The following IQANK1 variants were observed in gnomAD, a reference collection of about 807,000 sequenced individuals.
The protein encoded by IQANK1 is IQ motif and ankyrin repeat domain-containing protein 1.
A neutral mutation model predicts 22.6 loss-of-function variants in IQANK1; 30 were observed. That is an observed-to-expected ratio of 1.33 (90% CI 0.99 to 1.80). The LOEUF is 1.80. IQANK1 is among the 40% of genes most tolerant of loss of function. The pLI, the probability that IQANK1 is intolerant of heterozygous loss-of-function variation, is 0.00. For missense variants in IQANK1, 275 were observed against 235.2 expected (o/e 1.17, Z -1.11); for synonymous variants, 122 against 99.6 (o/e 1.23, Z -1.34).
At chr8:143,784,364 A>G (rs149348025) in intron 7 of IQANK1, among the ~76,000 whole-genome samples, 117 of 152,228 alleles carry the variant, frequency 7.7e-4, no homozygotes, top group African/African-American at 2.8e-3. Flanking sequence ...TTCTCTAGCC[A>G]TGTAAAATGT....
chr8:143,772,224 G>A lies in IQANK1; in HGVS notation c.644G>A (p.Gly215Asp). ...GCCATCCAGCTGCGGGCCGAGCTCG[G>A]CGCCAGCCCCAACAGCAAGGTGGGC... ...PLAIQLRAELGASPNSKGAFG... is the reference protein window; with the variant it reads ...PLAIQLRAELDASPNSKGAFG... Residue 215 changes from glycine to aspartate, a missense_variant, in exon 6 of 14, where the codon GGC becomes GAC. Coordinates refer to ENST00000527139, the MANE Select transcript of IQANK1 (RefSeq NM_001381874.1). 2.5e-6 allele frequency: 1 copy of A among 395,446 alleles called. No individual in the cohort carries two copies. Among genetic ancestry groups the A allele is most frequent in the East Asian group, 3.6e-5 (1 of 27,794 alleles). 24.5% of individuals were successfully genotyped at this position (395,446 alleles called of 1,614,324 possible). A position where few individuals can be genotyped will look rare whatever the true frequency, so the allele number is the denominator to read the frequency against.
chr8:143,782,043 G>A (rs1342775860), intron 7 of IQANK1, among the ~76,000 whole-genome samples: 2 of 152,142 alleles, frequency 1.3e-5, no homozygotes, highest in African/African-American at 4.8e-5. Flanking sequence ...CTGGTTAGCT[G>A]TATTCCTAGG....
chr8:143,780,997 T>TA (rs1819786608), intron 7 of IQANK1, among the ~76,000 whole-genome samples: 1 of 152,222 alleles, frequency 6.6e-6, no homozygotes. Context: ...TGTTATTTTT[T>TA]GACTTTTTAT....
chr8:143,782,333 C>T (rs1317312659), intron 7 of IQANK1, among the ~76,000 whole-genome samples: 1 of 152,154 alleles, frequency 6.6e-6, no homozygotes, highest in East Asian at 1.9e-4. Flanking sequence ...CTGGCTAGGA[C>T]TTCCAATACT....
intron 3 of IQANK1, among the ~76,000 whole-genome samples, chr8:143,767,129 C>T (rs1554629290): frequency 6.6e-6 from 1 of 152,262 alleles, no homozygotes; most frequent in Admixed American, 6.5e-5. Flanking sequence ...CCATTCTTGG[C>T]TCTTTCGCAG....
chr8:143,759,039 G>A (rs562965389), intron 3 of IQANK1: 17 of 225,104 alleles, frequency 7.6e-5, no homozygotes, highest in African/African-American at 2.1e-4. Context: ...GGTCCCAATC[G>A]GTGGGATGAG....
intron 2 of IQANK1, chr8:143,739,458 GAC>G (rs1818834770): frequency 5.7e-6 from 1 of 176,932 alleles, no homozygotes; most frequent in South Asian, 1.7e-4. Context: ...TGCCGAATTG[GAC>G]ACACAGAGAC....
At chr8:143,740,039 G>A (rs1818861243) in intron 3 of IQANK1, 91 bp downstream of exon 3, 2 of 604,532 alleles carry the variant, frequency 3.3e-6, no homozygotes, top group South Asian at 1.9e-5. Flanking sequence ...CAGTGTGGGC[G>A]CGCGCTTGCG....
At chr8:143,766,687 A>G (rs1382456767) in intron 3 of IQANK1, among the ~76,000 whole-genome samples, 1 of 152,136 alleles carries the variant, frequency 6.6e-6, no homozygotes, top group African/African-American at 2.4e-5. Flanking sequence ...AAAAGAAAAA[A>G]AAAAGAACGT....
intron 7 of IQANK1, among the ~76,000 whole-genome samples, chr8:143,776,259 T>C (rs61180670): frequency 0.031 from 4,359 of 140,646 alleles, 201 homozygotes; most frequent in African/African-American, 0.1. Context: ...AGGCAGAGCT[T>C]GCAGTGAGCT....
Position 143,790,286 on chromosome 8 carries a change from G to A in IQANK1, c.1424+15G>A. The A allele has an allele frequency of 8.1e-7, 1 of 1,232,138 alleles. No homozygotes were observed. Among genetic ancestry groups the A allele is most frequent in the Non-Finnish European group, 1.0e-6 (1 of 988,054 alleles). 76.3% of individuals were successfully genotyped at this position (1,232,138 alleles called of 1,614,324 possible). A position where few individuals can be genotyped will look rare whatever the true frequency, so the allele number is the denominator to read the frequency against. On this transcript the variant is annotated intron_variant, in intron 13 of 13. Coordinates refer to ENST00000527139, the MANE Select transcript of IQANK1 (RefSeq NM_001381874.1). ...GGGGCTCTGCGGTGAGGCAGGCAGGGTGACAGGTACACCCCACCCCACCTC... is the reference window on the plus strand; with the variant it reads ...GGGGCTCTGCGGTGAGGCAGGCAGGATGACAGGTACACCCCACCCCACCTC...
chr8:143,771,861 G>C lies in IQANK1; in HGVS notation c.367G>C (p.Glu123Gln), dbSNP rs1397517031. The change falls in exon 5 of 14, where the codon GAG becomes CAG. Residue 123 changes from glutamate (E) to glutamine (Q), a missense_variant. Coordinates refer to ENST00000527139, the MANE Select transcript of IQANK1 (RefSeq NM_001381874.1). This position sits in a 1 kb window ranked among gnomAD's most constrained non-coding sequence, Gnocchi z 6.0. ...CGCGCGGCGGCTGCGCGAGCAGGAG[G>C]AGGCGGCGCAGCGGGAGCGGCGGGA... ...EAARRLREQE[E>Q]AAQRERREEL... 2.5e-6 allele frequency: 1 copy of C among 394,982 alleles called. No individual in the cohort carries two copies. Among genetic ancestry groups the C allele is most frequent in the African/African-American group, 2.1e-5 (1 of 48,352 alleles). 24.5% of individuals were successfully genotyped at this position (394,982 alleles called of 1,614,324 possible).
At chr8:143,749,209 A>C (rs1486106825) in intron 3 of IQANK1, among the ~76,000 whole-genome samples, 41 of 122,144 alleles carry the variant, frequency 3.4e-4, no homozygotes, top group African/African-American at 1.4e-3. Context: ...TAAATATATC[A>C]TATATATCAT....
At position 143,771,090 on chromosome 8, in the gene IQANK1, GC is replaced by G. The variant is rs1332058376; in HGVS notation, c.176-391del. Among the ~76,000 whole-genome samples, 29 of 152,232 alleles carry G rather than the reference GC, an allele frequency of 1.9e-4. No individual in the cohort carries two copies. The highest frequency in any genetic ancestry group is 6.0e-4 in the African/African-American group (25 of 41,558). On this transcript the variant is annotated intron_variant, in intron 3 of 13. Transcript: ENST00000527139. This position sits in a 1 kb window ranked among gnomAD's most constrained non-coding sequence, Gnocchi z 6.0. ...TGTGATGAGCCCTCCCAGGCCTGGG[GC>G]CCCCCCGCTCAGTCCAGCCTTCGCT...
chr8:143,739,440 CAG>C (rs764678801), intron 2 of IQANK1: 12 of 165,408 alleles, frequency 7.3e-5, no homozygotes, highest in Non-Finnish European at 1.3e-4. Context: ...AGCCACCTGC[CAG>C]GGGAGTGCCG....
At chr8:143,748,325 CT>C (rs1216545344) in intron 3 of IQANK1, among the ~76,000 whole-genome samples, 3 of 151,054 alleles carry the variant, frequency 2.0e-5, no homozygotes, top group African/African-American at 7.3e-5. Flanking sequence ...ATCTTCTTAT[CT>C]TCTGCCTGGT....
rs562127684 is a variant in IQANK1, at chr8:143,735,574, G to A, written c.-4-276G>A. Among the ~76,000 whole-genome samples the A allele has an allele frequency of 6.6e-6, 1 of 152,282 alleles. No homozygotes were observed. Among genetic ancestry groups the A allele is most frequent in the East Asian group, 1.9e-4 (1 of 5,178 alleles). Reference sequence around the variant, plus strand: ...TAGACTCCAGATCCTGCGCCCGGCAGGATGGGCTGAGCCTGGGGCGGAGGG... The same window carrying A: ...TAGACTCCAGATCCTGCGCCCGGCAAGATGGGCTGAGCCTGGGGCGGAGGG... On this transcript the variant is annotated intron_variant, in intron 1 of 13. Coordinates refer to ENST00000527139, the MANE Select transcript of IQANK1 (RefSeq NM_001381874.1). The surrounding 1 kb of genome is among the most constrained non-coding windows in gnomAD (Gnocchi z 5.2).
At chr8:143,787,353 G>A (rs782260693) in intron 7 of IQANK1, among the ~76,000 whole-genome samples, 15 of 152,132 alleles carry the variant, frequency 9.9e-5, no homozygotes, top group East Asian at 1.9e-4. Context: ...TCAGGTGGCC[G>A]TGGAGGTGAG....
At chr8:143,747,036 C>T (rs988442093) in intron 3 of IQANK1, among the ~76,000 whole-genome samples, 3 of 152,158 alleles carry the variant, frequency 2.0e-5, no homozygotes, top group Non-Finnish European at 4.4e-5. Flanking sequence ...CCCACCACCA[C>T]GCCCGGCTAA....
Sources: allele counts gnomAD v4.1 joint callset (sites outside exome capture counted in the v4.1 genomes callset), GRCh38; gene constraint gnomAD v4.1.1; non-coding constraint Gnocchi (gnomAD v3.1); transcripts MANE v1.5; gene names NCBI Gene and HGNC (gene_info 2026-07-23, HGNC 2026-07-21).